The following DGKA variants were observed in gnomAD, a reference collection of about 807,000 sequenced individuals.
DGKA encodes diacylglycerol kinase alpha.
Under a neutral mutation model 105.0 loss-of-function variants are expected in DGKA, and 35 were observed. The observed-to-expected ratio is 0.33, with a 90% CI of 0.25 to 0.44. The LOEUF (loss-of-function observed/expected upper bound fraction) is 0.44, where lower values mean the gene tolerates loss of function less well. Among genes scored for constraint, DGKA ranks in the 20% least tolerant of loss-of-function variants. DGKA has a pLI of 1.00. For synonymous variants in DGKA, 296 were observed against 332.0 expected (o/e 0.89, Z 1.18); for missense variants, 665 against 915.0 (o/e 0.73, Z 3.53).
chr12:55,932,709 G>GCACACA lies in DGKA; in HGVS notation c.-82+1392_-82+1397dup, dbSNP rs57799285. The stretch of plus-strand genomic sequence containing the variant: ...ACACCCTCTACACACACACACACAC[G>GCACACA]CACACACACACACACACACACACAC... On this transcript the variant is annotated intron_variant, in intron 1 of 23. Coordinates refer to ENST00000331886, the MANE Select transcript of DGKA (RefSeq NM_001345.5). The surrounding 1 kb of genome is among the most constrained non-coding windows in gnomAD (Gnocchi z 4.3). 502 of 499,052 alleles carry GCACACA rather than the reference G, an allele frequency of 1.0e-3. 3 individuals carry two copies. Among genetic ancestry groups the GCACACA allele is most frequent in the African/African-American group, 9.4e-3 (465 of 49,322 alleles). The allele number at this position is 499,052 out of a possible 1,614,324, so 30.9% of individuals were successfully genotyped here.
chr12:55,927,860 T>C (rs972357077), upstream of DGKA: 8 of 1,444,156 alleles, frequency 5.5e-6, no homozygotes, highest in Non-Finnish European at 7.4e-6. Context: ...ATGAGGGCCC[T>C]AGTTGCTTCT....
chr12:55,953,177 C>CA lies in DGKA; in HGVS notation c.2063+18dup, dbSNP rs758236171. The CA allele has an allele frequency of 2.5e-6, 4 of 1,613,998 alleles. No homozygotes were observed. The highest frequency in any genetic ancestry group is 3.4e-6 in the Non-Finnish European group (4 of 1,179,966). On this transcript the variant is annotated intron_variant, in intron 22 of 23. Transcript: ENST00000331886. ...CACCTTCCAGTAAGGAAGACTCCAC[C>CA]AGGGTCCCTGAGGGAAGGTGTGGGG... is the stretch of plus-strand genomic sequence containing the variant.
chr12:55,934,516 C>A (rs1294776631), intron 1 of DGKA, among the ~76,000 whole-genome samples: 1 of 152,072 alleles, frequency 6.6e-6, no homozygotes, highest in Non-Finnish European at 1.5e-5. Flanking sequence ...GCAGAGATGT[C>A]CCAAGGGAAG....
chr12:55,932,709 GCACACACACACA>G lies in DGKA; in HGVS notation c.-82+1386_-82+1397del, dbSNP rs57799285. The G allele has an allele frequency of 5.0e-5, 25 of 499,068 alleles. No homozygotes were observed. Among genetic ancestry groups the G allele is most frequent in the African/African-American group, 1.8e-4 (9 of 49,342 alleles). The allele number at this position is 499,068 out of a possible 1,614,324, so 30.9% of individuals were successfully genotyped here. On this transcript the variant is annotated intron_variant, in intron 1 of 23. Coordinates refer to ENST00000331886, the MANE Select transcript of DGKA (RefSeq NM_001345.5). The surrounding 1 kb of genome is among the most constrained non-coding windows in gnomAD (Gnocchi z 4.3). ...ACACCCTCTACACACACACACACAC[GCACACACACACA>G]CACACACACACACACACACAACCCC...
intron 17 of DGKA, among the ~76,000 whole-genome samples, chr12:55,948,649 G>A (rs1199988722): frequency 6.6e-6 from 1 of 151,428 alleles, no homozygotes; most frequent in Non-Finnish European, 1.5e-5. Flanking sequence ...GATAGCTTGA[G>A]CCTGGCAGGT....
upstream of DGKA, among the ~76,000 whole-genome samples, chr12:55,928,533 C>G (rs985746659): frequency 4.6e-5 from 7 of 151,738 alleles, no homozygotes; most frequent in Non-Finnish European, 7.4e-5. Flanking sequence ...AAAAAATTAG[C>G]CGGGCGTGGT....
chr12:55,937,632 A>C, intron 4 of DGKA, 89 bp downstream of exon 4: 1 of 1,523,322 alleles, frequency 6.6e-7, no homozygotes, highest in Non-Finnish European at 8.9e-7. Context: ...CTTGAGTCAC[A>C]CGTTGTGCAG....
chr12:55,936,592 G>C (rs200835523), intron 2 of DGKA, 25 bp downstream of exon 2: 5 of 1,613,962 alleles, frequency 3.1e-6, no homozygotes, highest in Non-Finnish European at 4.2e-6. Context: ...CAGGCCTTCA[G>C]TTCTGGAGAC....
Position 55,940,777 on chromosome 12 carries a change from C to CTCTGTGCGTGTGGGAA in DGKA, c.1017+55_1017+56insTCTGTGCGTGTGGGAA. ...ACAGGAGTGCCTCCCCGATTTCCCA[C>CTCTGTGCGTGTGGGAA]ACGCACAGAGTGGCATTTAGAATAG... On this transcript the variant is annotated intron_variant, in intron 12 of 23. Coordinates refer to ENST00000331886, the MANE Select transcript of DGKA (RefSeq NM_001345.5). The surrounding 1 kb of genome is among the most constrained non-coding windows in gnomAD (Gnocchi z 4.3). 1 of 1,603,922 alleles carries CTCTGTGCGTGTGGGAA rather than the reference C, an allele frequency of 6.2e-7. No homozygotes were observed. Among genetic ancestry groups the CTCTGTGCGTGTGGGAA allele is most frequent in the Non-Finnish European group, 8.5e-7 (1 of 1,170,902 alleles).
chr12:55,940,026 A>G lies in DGKA; in HGVS notation c.710-56A>G. On this transcript the variant is annotated intron_variant, in intron 9 of 23. Coordinates refer to ENST00000331886, the MANE Select transcript of DGKA (RefSeq NM_001345.5). The surrounding 1 kb of genome is among the most constrained non-coding windows in gnomAD (Gnocchi z 4.3). ...TGATCCTGCCTCACCCTCAGGTAAGAAGGAAATAGGGGGAGAGGCTCAGCT... is the reference window on the plus strand; with the variant it reads ...TGATCCTGCCTCACCCTCAGGTAAGGAGGAAATAGGGGGAGAGGCTCAGCT... The G allele has an allele frequency of 2.0e-6, 3 of 1,485,538 alleles. No homozygotes were observed. The highest frequency in any genetic ancestry group is 2.8e-6 in the Non-Finnish European group (3 of 1,064,188). The allele number at this position is 1,485,538 out of a possible 1,614,324, so 92.0% of individuals were successfully genotyped here.
At position 55,941,444 on chromosome 12, in the gene DGKA, G is replaced by C; in HGVS notation, c.1176-66G>C. The stretch of plus-strand genomic sequence containing the variant: ...ATACCTTGAGGAACACACAAAGAGG[G>C]TGAGGTTCAGAAGATCACCCCCAAC... On this transcript the variant is annotated intron_variant, in intron 14 of 23. Coordinates refer to ENST00000331886, the MANE Select transcript of DGKA (RefSeq NM_001345.5). 1.9e-6 allele frequency: 3 copies of C among 1,591,178 alleles called. 1 individual carries two copies. The South Asian group carries it at 3.3e-5, about 18-fold the overall frequency.
At chr12:55,941,055 T>C (rs545092436) in intron 13 of DGKA, 75 bp downstream of exon 13, 1 of 1,499,952 alleles carries the variant, frequency 6.7e-7, no homozygotes, top group African/African-American at 1.4e-5. Flanking sequence ...GGGAATGAAG[T>C]GGGAGAGCCT....
At chr12:55,944,891 G>A (rs891243372) in intron 17 of DGKA, among the ~76,000 whole-genome samples, 8 of 152,124 alleles carry the variant, frequency 5.3e-5, no homozygotes, top group East Asian at 1.9e-4. Context: ...CTTCTACCTC[G>A]CAGGTTCCGG....
chr12:55,953,184 C>T (rs747621155), intron 22 of DGKA, 24 bp downstream of exon 22: 2 of 1,613,728 alleles, frequency 1.2e-6, no homozygotes, highest in African/African-American at 1.3e-5. Context: ...CACCAGGGTC[C>T]CTGAGGGAAG....
At chr12:55,927,493 T>C, upstream of DGKA, 1 of 691,176 alleles carries the variant, frequency 1.4e-6, no homozygotes, top group Non-Finnish European at 2.5e-6. Flanking sequence ...AGGAAGAATA[T>C]CCAGGCTCTG....
chr12:55,952,097 C>T lies in DGKA; in HGVS notation c.1650C>T (p.Ser550=). The change falls in exon 19 of 24, where the codon AGC becomes AGT. Residue 550 remains serine (S), a splice_region_variant and synonymous_variant. Transcript: ENST00000331886. The surrounding 1 kb of genome is among the most constrained non-coding windows in gnomAD (Gnocchi z 5.1). ...MREKYPEKFN[S]RMKNKLWYFE... is the part of the protein sequence containing the mutation. ...AGAAATATCCGGAGAAGTTCAACAG[C>T]AGGTTAGGGAAAGGAGGGGGCAGTG... The T allele has an allele frequency of 6.2e-7, 1 of 1,614,030 alleles. No homozygotes were observed. Among genetic ancestry groups the T allele is most frequent in the Non-Finnish European group, 8.5e-7 (1 of 1,180,016 alleles).
Position 55,940,781 on chromosome 12 carries a change from C to G in DGKA, c.1017+59C>G. On this transcript the variant is annotated intron_variant, in intron 12 of 23. Coordinates refer to ENST00000331886, the MANE Select transcript of DGKA (RefSeq NM_001345.5). This position sits in a 1 kb window ranked among gnomAD's most constrained non-coding sequence, Gnocchi z 4.3. ...GAGTGCCTCCCCGATTTCCCACACGCACAGAGTGGCATTTAGAATAGAGAG... is the reference window on the plus strand; with the variant it reads ...GAGTGCCTCCCCGATTTCCCACACGGACAGAGTGGCATTTAGAATAGAGAG... 1 of 1,593,874 alleles carries G rather than the reference C, an allele frequency of 6.3e-7. No homozygotes were observed. The highest frequency in any genetic ancestry group is 8.6e-7 in the Non-Finnish European group (1 of 1,161,668).
chr12:55,942,122 G>T (rs772189620), intron 16 of DGKA, 39 bp downstream of exon 16: 13 of 1,613,498 alleles, frequency 8.1e-6, no homozygotes, highest in Non-Finnish European at 9.3e-6. Context: ...TATTGGGGTC[G>T]TAGTCTTGCA....
At chr12:55,939,041 T>A in intron 7 of DGKA, 52 bp downstream of exon 7, 1 of 1,612,178 alleles carries the variant, frequency 6.2e-7, no homozygotes, top group Non-Finnish European at 8.5e-7. Context: ...CCCTGGTGAG[T>A]CCTGCATCTG....
Sources: gnomAD v4.1 joint callset for allele counts (sites outside exome capture counted in the v4.1 genomes callset) on GRCh38, gnomAD v4.1.1 for gene constraint, Gnocchi (gnomAD v3.1) non-coding constraint, MANE v1.5 for transcripts, NCBI Gene and HGNC (gene_info 2026-07-23, HGNC 2026-07-21) for gene names.